Variants in PLXDC1 observed in about 807,000 individuals in gnomAD.
PLXDC1 encodes the protein plexin domain-containing protein 1.
Under a neutral mutation model 61.3 loss-of-function variants are expected in PLXDC1, and 39 were observed. The observed-to-expected ratio is 0.64, with a 90% confidence interval of 0.49 to 0.83. PLXDC1 has a LOEUF of 0.83. PLXDC1 is among the 40% of genes least tolerant of loss of function. The pLI is 0.00. For missense variants in PLXDC1, 596 were observed against 666.5 expected (o/e 0.89, Z 1.17); for synonymous variants, 212 against 254.5 (o/e 0.83, Z 1.59).
At chr17:39,107,634 G>C (rs1232383023) in intron 5 of PLXDC1, 109 bp from the exon 6 acceptor site, 2 of 822,702 alleles carry the variant, frequency 2.4e-6, no homozygotes, top group South Asian at 1.4e-5. Flanking sequence ...CCTTCGGGAT[G>C]ATGGGGAAGT....
chr17:39,129,655 G>A (rs60455876), intron 2 of PLXDC1, among the ~76,000 whole-genome samples: 16 of 44,142 alleles, frequency 3.6e-4, no homozygotes, highest in Admixed American at 1.2e-3. Context: ...GAGAGAGAGA[G>A]AGAAAGAAAG....
chr17:39,122,378 CA>C (rs71141762), intron 2 of PLXDC1, among the ~76,000 whole-genome samples: 3,330 of 36,416 alleles, frequency 0.091, 10 homozygotes, highest in African/African-American at 0.11. Context: ...GACTCTGTCT[CA>C]AAAAAAAAAA....
At chr17:39,068,036 C>A (rs1345728080) in intron 13 of PLXDC1, 77 bp from the exon 14 acceptor site, 60 of 1,413,012 alleles carry the variant, frequency 4.2e-5, no homozygotes, top group Non-Finnish European at 5.8e-5. Flanking sequence ...AGCGACAGAG[C>A]CAACCAAGAC....
rs1020476925 is a variant in PLXDC1 at position 39,151,514 on chromosome 17, G to C, written c.-77C>G. 3 of 1,225,612 alleles carry C rather than the reference G, an allele frequency of 2.4e-6. No homozygotes were observed. The highest frequency in any genetic ancestry group is 8.5e-5 in the Admixed American group (2 of 23,392). The allele number at this position is 1,225,612 out of a possible 1,614,324, so 75.9% of individuals were successfully genotyped here. A position where few individuals can be genotyped will look rare whatever the true frequency, so the allele number is the denominator to read the frequency against. The stretch of plus-strand genomic sequence containing the variant: ...GGGAGGGGGCCCTGGCTCAGGCTGC[G>C]GCCGCGCGGTCCCCGGGGCTGGCGG... On this transcript the variant is annotated 5_prime_UTR_variant, in exon 1 of 14. Coordinates refer to ENST00000315392, the MANE Select transcript of PLXDC1 (RefSeq NM_020405.5). The surrounding 1 kb of genome is among the most constrained non-coding windows in gnomAD (Gnocchi z 5.2).
intron 7 of PLXDC1, among the ~76,000 whole-genome samples, chr17:39,095,247 G>C (rs551499110): frequency 5.8e-4 from 86 of 149,334 alleles, no homozygotes; most frequent in Middle Eastern, 3.5e-3. Context: ...GGATGAGGGT[G>C]GGGGGTGGAA....
At chr17:39,114,017 C>T (rs1022314344) in intron 2 of PLXDC1, among the ~76,000 whole-genome samples, 1 of 152,014 alleles carries the variant, frequency 6.6e-6, no homozygotes, top group Non-Finnish European at 1.5e-5. Flanking sequence ...ACTGCTTGTC[C>T]CTCTTATCTT....
chr17:39,150,251 A>C (rs1359808203), intron 1 of PLXDC1, among the ~76,000 whole-genome samples: 1 of 148,948 alleles, frequency 6.7e-6, no homozygotes, highest in African/African-American at 2.5e-5. Flanking sequence ...TTCCCCTCCC[A>C]CCCCCAACAT....
chr17:39,084,907 C>G (rs940648909), intron 8 of PLXDC1, among the ~76,000 whole-genome samples: 1 of 152,194 alleles, frequency 6.6e-6, no homozygotes, highest in African/African-American at 2.4e-5. Flanking sequence ...ACCAGATGAC[C>G]TCTGAGCGGC....
At chr17:39,123,695 T>C (rs1911234057) in intron 2 of PLXDC1, among the ~76,000 whole-genome samples, 1 of 152,184 alleles carries the variant, frequency 6.6e-6, no homozygotes. Flanking sequence ...ACGTCAGCAG[T>C]TACAGTATTT....
At position 39,145,437 on chromosome 17, in the gene PLXDC1, C is replaced by T. The variant is rs188450143; in HGVS notation, c.77-5605G>A. Among the ~76,000 whole-genome samples the T allele has an allele frequency of 3.8e-3, 583 of 152,330 alleles. 8 individuals carry two copies. The highest frequency in any genetic ancestry group is 2.5e-3 in the Non-Finnish European group (169 of 68,024). ...CAAACTTGGCATCCCAGCCCTGGGCCACCCCATAGCTCAGGTTACCACAGC... is the reference window on the plus strand; with the variant it reads ...CAAACTTGGCATCCCAGCCCTGGGCTACCCCATAGCTCAGGTTACCACAGC... On this transcript the variant is annotated intron_variant, in intron 1 of 13. Transcript: ENST00000315392.
chr17:39,092,713 T>C (rs1910002404), intron 7 of PLXDC1, among the ~76,000 whole-genome samples: 1 of 143,424 alleles, frequency 7.0e-6, no homozygotes, highest in Non-Finnish European at 1.5e-5. Context: ...TGTTTTAAAA[T>C]CAGAGGCTAG....
At chr17:39,133,340 T>G (rs979969319) in intron 2 of PLXDC1, among the ~76,000 whole-genome samples, 1 of 152,104 alleles carries the variant, frequency 6.6e-6, no homozygotes, top group African/African-American at 2.4e-5. Flanking sequence ...GCAGACACCC[T>G]GGTGTGTGTA....
rs188811092 is a variant in PLXDC1, at chr17:39,092,345, G to A, written c.812-4643C>T. On this transcript the variant is annotated intron_variant, in intron 7 of 13. Transcript: ENST00000315392. ...TGCCTCAGCCTCCCAAAGCGCTGAG[G>A]TTCTAGACATGAGCCACCACACAGG... 1.3e-4 allele frequency among the ~76,000 whole-genome samples: 20 copies of A among 152,286 alleles called. No individual in the cohort carries two copies. In the East Asian group the frequency reaches 2.7e-3, roughly 21 times the overall value.
intron 7 of PLXDC1, 63 bp from the exon 8 acceptor site, chr17:39,087,765 T>G: frequency 1.7e-6 from 2 of 1,159,514 alleles, no homozygotes; most frequent in Non-Finnish European, 2.5e-6. Context: ...CGAGGCCTCT[T>G]CCCGGACAGT....
At chr17:39,110,769 C>T (rs1397814401) in intron 2 of PLXDC1, among the ~76,000 whole-genome samples, 3 of 152,238 alleles carry the variant, frequency 2.0e-5, no homozygotes, top group Non-Finnish European at 4.4e-5. Flanking sequence ...GGTTCCTGCA[C>T]TCCTCACCTG....
intron 1 of PLXDC1, among the ~76,000 whole-genome samples, chr17:39,145,564 C>T (rs1240786569): frequency 6.6e-6 from 1 of 152,154 alleles, no homozygotes; most frequent in Admixed American, 6.5e-5. Flanking sequence ...CCATCTCTCT[C>T]CGGCTTCCAG....
chr17:39,131,385 G>A (rs928852443), intron 2 of PLXDC1, among the ~76,000 whole-genome samples: 11 of 150,104 alleles, frequency 7.3e-5, no homozygotes, highest in Admixed American at 3.3e-4. Flanking sequence ...ACAGAATCTC[G>A]CTCTGTCGCC....
intron 7 of PLXDC1, among the ~76,000 whole-genome samples, chr17:39,103,812 CT>C (rs1910503968): frequency 6.8e-6 from 1 of 148,148 alleles, no homozygotes. Flanking sequence ...TGCCACTGCA[CT>C]CCAGCCTGGG....
intron 7 of PLXDC1, among the ~76,000 whole-genome samples, chr17:39,100,613 ATT>A: frequency 6.6e-6 from 1 of 152,356 alleles, no homozygotes; most frequent in Non-Finnish European, 1.5e-5. Context: ...TCCTGGCTGA[ATT>A]GTGCTTTGCT....
Sources: allele counts gnomAD v4.1 joint callset (sites outside exome capture counted in the v4.1 genomes callset), GRCh38; gene constraint gnomAD v4.1.1; non-coding constraint Gnocchi (gnomAD v3.1); transcripts MANE v1.5; gene names NCBI Gene and HGNC (gene_info 2026-07-23, HGNC 2026-07-21).